The following GOLIM4 variants were observed in gnomAD, a reference collection of about 807,000 sequenced individuals.
GOLIM4 encodes the protein 130 kDa golgi-localized phosphoprotein.
A neutral mutation model predicts 107.4 loss-of-function variants in GOLIM4; 71 were observed. That is an observed-to-expected ratio of 0.66 (90% confidence interval 0.55 to 0.81). The LOEUF (loss-of-function observed/expected upper bound fraction) is 0.81, where lower values mean the gene tolerates loss of function less well. Among genes scored for constraint, GOLIM4 ranks in the 30% least tolerant of loss-of-function variants. The probability of loss-of-function intolerance (pLI) is 0.00; values close to 1 mark genes in which losing one functional copy is unlikely to be tolerated. For missense variants in GOLIM4, 830 were observed against 826.1 expected, an observed-to-expected ratio of 1.00 and a Z score of -0.06; for synonymous variants, 327 against 294.8, an observed-to-expected ratio of 1.11 and a Z score of -1.12.
At chr3:168,084,134 A>C (rs1721504511) in intron 1 of GOLIM4, among the ~76,000 whole-genome samples, 2 of 152,034 alleles carry the variant, frequency 1.3e-5, no homozygotes, top group Admixed American at 6.6e-5. Context: ...GAGTTCTCAC[A>C]AGAACTGATG....
intron 1 of GOLIM4, among the ~76,000 whole-genome samples, chr3:168,086,984 T>C (rs1721662058): frequency 1.3e-5 from 2 of 152,158 alleles, no homozygotes; most frequent in African/African-American, 2.4e-5. Flanking sequence ...ACCTGGTAAG[T>C]GACTTATCCA....
chr3:168,070,858 A>ACAC (rs766424358), intron 1 of GOLIM4, among the ~76,000 whole-genome samples: 2 of 152,314 alleles, frequency 1.3e-5, no homozygotes, highest in East Asian at 3.9e-4. Flanking sequence ...GTCAGAGGTG[A>ACAC]GTTCCTCAAC....
chr3:168,063,098 A>G (rs1471334407), intron 1 of GOLIM4, among the ~76,000 whole-genome samples: 3 of 152,130 alleles, frequency 2.0e-5, no homozygotes, highest in African/African-American at 7.2e-5. Context: ...TCTCCTCCAA[A>G]ATAACCCCTG....
chr3:168,029,629 A>G (rs1184626175), intron 10 of GOLIM4, 151 bp downstream of exon 10: 11 of 748,604 alleles, frequency 1.5e-5, no homozygotes, highest in Non-Finnish European at 1.6e-5. Flanking sequence ...AATATTTGGT[A>G]TTTAATTTTC....
At chr3:168,024,165 G>A (rs1183937330) in intron 14 of GOLIM4, among the ~76,000 whole-genome samples, 2 of 152,204 alleles carry the variant, frequency 1.3e-5, no homozygotes, top group Non-Finnish European at 2.9e-5. Context: ...TGCCTGAAGA[G>A]AAAGTTACAG....
intron 1 of GOLIM4, among the ~76,000 whole-genome samples, chr3:168,059,325 C>T (rs1337508892): frequency 1.3e-5 from 2 of 152,232 alleles, no homozygotes; most frequent in Non-Finnish European, 2.9e-5. Flanking sequence ...CTACCACTGT[C>T]TTCTCCTTCA....
At chr3:168,010,531 G>A in intron 15 of GOLIM4, 113 bp from the exon 16 acceptor site, 2 of 830,174 alleles carry the variant, frequency 2.4e-6, no homozygotes, top group Non-Finnish European at 1.9e-6. Context: ...AAAAAAGGAA[G>A]AAAAATGATA....
At chr3:168,021,190 A>G (rs1171717419) in intron 14 of GOLIM4, among the ~76,000 whole-genome samples, 2 of 152,198 alleles carry the variant, frequency 1.3e-5, no homozygotes, top group East Asian at 3.9e-4. Context: ...CTTGGTGTCT[A>G]TTAACACCTT....
chr3:168,064,005 C>A (rs1053657570), intron 1 of GOLIM4, among the ~76,000 whole-genome samples: 6 of 152,142 alleles, frequency 3.9e-5, no homozygotes, highest in Non-Finnish European at 8.8e-5. Context: ...TTTATTCTGG[C>A]AAGCAGGCCT....
intron 9 of GOLIM4, among the ~76,000 whole-genome samples, chr3:168,031,704 C>A (rs1050052404): frequency 4.6e-5 from 7 of 152,180 alleles, no homozygotes; most frequent in Non-Finnish European, 7.3e-5. Context: ...GTCTTCACAC[C>A]TGCTTAGCCT....
intron 7 of GOLIM4, 131 bp from the exon 8 acceptor site, chr3:168,037,125 T>C (rs954700197): frequency 1.9e-6 from 1 of 536,176 alleles, no homozygotes; most frequent in Admixed American, 3.1e-5. Context: ...ACAGATTGTT[T>C]CCATGCATTC....
chr3:168,075,697 C>T (rs545167405), intron 1 of GOLIM4, among the ~76,000 whole-genome samples: 81 of 152,254 alleles, frequency 5.3e-4, no homozygotes, highest in African/African-American at 1.9e-3. Flanking sequence ...TGTCAAAACA[C>T]ACCTGCTTTT....
chr3:168,026,415 G>T (rs1343006202), intron 12 of GOLIM4, among the ~76,000 whole-genome samples: 7 of 152,170 alleles, frequency 4.6e-5, no homozygotes, highest in African/African-American at 1.4e-4. Context: ...GAATTAGCAG[G>T]CACAGTTGTT....
chr3:168,043,875 T>C (rs899288138), intron 4 of GOLIM4, among the ~76,000 whole-genome samples: 2 of 152,258 alleles, frequency 1.3e-5, no homozygotes, highest in Non-Finnish European at 2.9e-5. Flanking sequence ...CTGGGTATTA[T>C]GGATTTCCTC....
chr3:168,018,728 G>T (rs1717512483), intron 14 of GOLIM4, among the ~76,000 whole-genome samples: 1 of 152,086 alleles, frequency 6.6e-6, no homozygotes, highest in Non-Finnish European at 1.5e-5. Context: ...TTAAATTGCT[G>T]AAGTGTCCCT....
chr3:168,024,706 G>T, intron 13 of GOLIM4, 112 bp from the exon 14 acceptor site: 2 of 937,770 alleles, frequency 2.1e-6, no homozygotes, highest in Non-Finnish European at 3.4e-6. Flanking sequence ...CTTTCAAAGC[G>T]TCTGTGGCCA....
chr3:168,040,632 G>A (rs912700020), intron 7 of GOLIM4, among the ~76,000 whole-genome samples, 154 bp downstream of exon 7: 22 of 152,182 alleles, frequency 1.4e-4, no homozygotes, highest in African/African-American at 4.8e-4. Context: ...CTTACTGATT[G>A]AATTTTGAAA....
At chr3:168,080,622 G>C (rs1207066482) in intron 1 of GOLIM4, among the ~76,000 whole-genome samples, 1 of 151,970 alleles carries the variant, frequency 6.6e-6, no homozygotes, top group African/African-American at 2.4e-5. Flanking sequence ...TGCTTCTATA[G>C]GCCAGGCCAT....
chr3:168,095,554 C>T lies in GOLIM4; in HGVS notation c.-269G>A. On this transcript the variant is annotated 5_prime_UTR_variant, in exon 1 of 16. Transcript: ENST00000470487. Reference sequence around the variant, plus strand: ...ATGCCCGGGGCCGGGAGGAGGCCCTCCGCATACTTCAGAGCCGGCTGCCCT... The same window carrying T: ...ATGCCCGGGGCCGGGAGGAGGCCCTTCGCATACTTCAGAGCCGGCTGCCCT... The T allele has an allele frequency of 2.2e-6, 1 of 449,164 alleles. No individual in the cohort carries two copies. The highest frequency in any genetic ancestry group is 3.9e-6 in the Non-Finnish European group (1 of 253,268). The allele number at this position is 449,164 out of a possible 1,614,324, so 27.8% of individuals were successfully genotyped here. A position where few individuals can be genotyped will look rare whatever the true frequency, so the allele number is the denominator to read the frequency against.
Sources: gnomAD v4.1 joint callset for allele counts (sites outside exome capture counted in the v4.1 genomes callset) on GRCh38, gnomAD v4.1.1 for gene constraint, MANE v1.5 for transcripts, NCBI Gene and HGNC (gene_info 2026-07-23, HGNC 2026-07-21) for gene names.